Variants in DNAJC17 observed in about 807,000 individuals in gnomAD.
DNAJC17 encodes the protein DnaJ heat shock protein family (Hsp40) member C17, also known as dnaJ homolog subfamily C member 17.
A neutral mutation model predicts 48.1 loss-of-function variants in DNAJC17; 35 were observed. The observed-to-expected ratio is 0.73, with a 90% CI of 0.56 to 0.96. DNAJC17 has a LOEUF of 0.96. Ranked by LOEUF, DNAJC17 falls within the 50% of genes least tolerant of loss-of-function variation. DNAJC17 has a pLI of 0.00. For synonymous variants in DNAJC17, 117 were observed against 142.7 expected, an observed-to-expected ratio of 0.82 and a Z score of 1.28; for missense variants, 355 against 377.1, an observed-to-expected ratio of 0.94 and a Z score of 0.48.
intron 1 of DNAJC17, among the ~76,000 whole-genome samples, chr15:40,789,927 A>AAAAAAAAAAAAAAAG (rs1889751262): frequency 6.7e-6 from 1 of 149,428 alleles, no homozygotes; most frequent in Non-Finnish European, 1.5e-5. Context: ...AAAAAAAAAA[A>AAAAAAAAAAAAAAAG]AAAAGAAAAG....
chr15:40,770,430 C>A lies in DNAJC17; in HGVS notation c.793-2368G>T. ...CCTCCCCAGCTGCTGGCACTCACTGCCCCAGCAGGGACCACATGCACCCTG... is the reference window on the plus strand; with the variant it reads ...CCTCCCCAGCTGCTGGCACTCACTGACCCAGCAGGGACCACATGCACCCTG... On this transcript the variant is annotated intron_variant, in intron 10 of 10. Coordinates refer to ENST00000220496, the MANE Select transcript of DNAJC17 (RefSeq NM_018163.3). This position sits in a 1 kb window ranked among gnomAD's most constrained non-coding sequence, Gnocchi z 5.0. 1.4e-6 allele frequency: 2 copies of A among 1,463,248 alleles called. No individual in the cohort carries two copies. The highest frequency in any genetic ancestry group is 1.8e-6 in the Non-Finnish European group (2 of 1,095,520). 90.6% of individuals were successfully genotyped at this position (1,463,248 alleles called of 1,614,324 possible). A position where few individuals can be genotyped will look rare whatever the true frequency, so the allele number is the denominator to read the frequency against.
intron 1 of DNAJC17, among the ~76,000 whole-genome samples, chr15:40,806,075 T>C (rs1201746504): frequency 6.6e-6 from 1 of 152,072 alleles, no homozygotes; most frequent in African/African-American, 2.4e-5. Flanking sequence ...GGGGACAGAT[T>C]TGTGCAGGTT....
chr15:40,774,911 CA>C, intron 8 of DNAJC17, 119 bp downstream of exon 8: 1 of 1,044,630 alleles, frequency 9.6e-7, no homozygotes, highest in African/African-American at 1.8e-5. Context: ...GTCTATGAGA[CA>C]GAAAAAAAAA....
At chr15:40,775,379 C>T (rs1267127165) in intron 7 of DNAJC17, 174 bp downstream of exon 7, 3 of 809,494 alleles carry the variant, frequency 3.7e-6, no homozygotes, top group South Asian at 1.6e-5. Flanking sequence ...AGCAGCCTTT[C>T]GTGGCAAGCT....
Position 40,769,777 on chromosome 15 carries a change from A to G in DNAJC17, c.793-1715T>C, listed in dbSNP as rs112997704. ...CAGGGTGGTGGGGCTGTGATCAGAA[A>G]GGAAGCCGCGTGGTGACACATAAAG... On this transcript the variant is annotated intron_variant, in intron 10 of 10. Transcript: ENST00000220496. The surrounding 1 kb of genome is among the most constrained non-coding windows in gnomAD (Gnocchi z 4.2). Among the ~76,000 whole-genome samples the G allele has an allele frequency of 7.1e-3, 1,080 of 152,310 alleles. 13 individuals are homozygous for G. Among genetic ancestry groups the G allele is most frequent in the African/African-American group, 0.025 (1,043 of 41,572 alleles).
chr15:40,799,857 T>A (rs1011876158), intron 1 of DNAJC17, among the ~76,000 whole-genome samples: 1 of 152,158 alleles, frequency 6.6e-6, no homozygotes, highest in African/African-American at 2.4e-5. Context: ...TCTTTTTACT[T>A]TTTATTTTTA....
intron 1 of DNAJC17, 110 bp downstream of exon 1, chr15:40,807,259 G>A: frequency 6.3e-7 from 1 of 1,595,400 alleles, no homozygotes. Flanking sequence ...CTCGCTCCCC[G>A]CCCAGGACCC....
At chr15:40,772,984 G>GGGC (rs1241873940) in intron 10 of DNAJC17, among the ~76,000 whole-genome samples, 1 of 135,846 alleles carries the variant, frequency 7.4e-6, no homozygotes, top group Admixed American at 7.6e-5. Context: ...TTTTTGAGAT[G>GGGC]AAGTCTTGCT....
At chr15:40,804,107 C>G (rs977139221) in intron 1 of DNAJC17, among the ~76,000 whole-genome samples, 3 of 151,684 alleles carry the variant, frequency 2.0e-5, no homozygotes, top group Non-Finnish European at 2.9e-5. Flanking sequence ...GCGGGGACTA[C>G]AGGTGCGTAA....
At chr15:40,800,183 C>T (rs59689517) in intron 1 of DNAJC17, among the ~76,000 whole-genome samples, 2,808 of 152,296 alleles carry the variant, frequency 0.018, 83 homozygotes, top group African/African-American at 0.065. Flanking sequence ...AGCAATTCTC[C>T]TGCCTCCTCG....
Position 40,767,644 on chromosome 15 carries a change from TCCAGCGG to T in DNAJC17, c.*289_*295del. On this transcript the variant is annotated 3_prime_UTR_variant, in exon 11 of 11. Transcript: ENST00000220496. The stretch of plus-strand genomic sequence containing the variant: ...GCTGCCCCGGGCCGGAGCTGGGCAC[TCCAGCGG>T]CCCTGGCGCGTGGCTCCTGCATAGC... 1 of 583,072 alleles carries T rather than the reference TCCAGCGG, an allele frequency of 1.7e-6. No homozygotes were observed. 36.1% of individuals were successfully genotyped at this position (583,072 alleles called of 1,614,324 possible).
In DNAJC17 at chr15:40,793,106, G is replaced by C. The variant is rs1272641863; in HGVS notation, c.79-13109C>G. Among the ~76,000 whole-genome samples the C allele has an allele frequency of 2.0e-5, 3 of 151,952 alleles. No homozygotes were observed. The East Asian group carries it at 5.8e-4, about 30-fold the overall frequency. On this transcript the variant is annotated intron_variant, in intron 1 of 10. Coordinates refer to ENST00000220496, the MANE Select transcript of DNAJC17 (RefSeq NM_018163.3). ...GACGGGGTTTCACCATGTTAGCCAG[G>C]ATGGTCTCGATCTCCTGACCTCGTG...
At chr15:40,775,179 G>A (rs2141948554) in intron 7 of DNAJC17, 71 bp from the exon 8 acceptor site, 1 of 1,527,764 alleles carries the variant, frequency 6.5e-7, no homozygotes. Flanking sequence ...GAGCTTGACA[G>A]TCTGAGCAGA....
chr15:40,782,324 GGAGGGAGGATCACCTCAGCCAAGGATTTT>G, intron 1 of DNAJC17, among the ~76,000 whole-genome samples: 1 of 152,288 alleles, frequency 6.6e-6, no homozygotes, highest in African/African-American at 2.4e-5. Flanking sequence ...AGGAGGTTGA[GGAGGGAGGATCACCTCAGCCAAGGATTTT>G]GAGGCTGCCG....
At chr15:40,773,161 T>C (rs1332530394) in intron 10 of DNAJC17, among the ~76,000 whole-genome samples, 1 of 152,140 alleles carries the variant, frequency 6.6e-6, no homozygotes, top group Non-Finnish European at 1.5e-5. Flanking sequence ...GATTTCACTA[T>C]GTTGGTCAGG....
chr15:40,781,958 G>A (rs1889507222), intron 1 of DNAJC17, among the ~76,000 whole-genome samples: 1 of 151,966 alleles, frequency 6.6e-6, no homozygotes, highest in Non-Finnish European at 1.5e-5. Flanking sequence ...GTGTGGTGGT[G>A]CATGCCTGTA....
chr15:40,798,321 G>A (rs912792268), intron 1 of DNAJC17, among the ~76,000 whole-genome samples: 1 of 152,118 alleles, frequency 6.6e-6, no homozygotes. Flanking sequence ...GAAAGTAGAA[G>A]AGTGGTTCAC....
chr15:40,771,561 A>C (rs756394782), intron 10 of DNAJC17: 1 of 174,908 alleles, frequency 5.7e-6, no homozygotes, highest in Non-Finnish European at 1.4e-5. Flanking sequence ...GAAAGGGGAG[A>C]AGGCCTGACC....
chr15:40,790,224 G>A (rs541782155), intron 1 of DNAJC17, among the ~76,000 whole-genome samples: 12 of 152,232 alleles, frequency 7.9e-5, no homozygotes, highest in Admixed American at 6.5e-4. Context: ...GTCTCCTGTT[G>A]CTCTAATTGG....
Sources: gnomAD v4.1 joint callset for allele counts (sites outside exome capture counted in the v4.1 genomes callset) on GRCh38, gnomAD v4.1.1 for gene constraint, Gnocchi (gnomAD v3.1) non-coding constraint, MANE v1.5 for transcripts, NCBI Gene and HGNC (gene_info 2026-07-23, HGNC 2026-07-21) for gene names.